The following SDHC variants were observed in gnomAD, a reference collection of about 807,000 sequenced individuals.
SDHC encodes the protein succinate dehydrogenase cytochrome b560 subunit, mitochondrial.
In SDHC, 11 loss-of-function variants were observed where a neutral mutation model predicts 22.6. The observed-to-expected ratio is 0.49, with a 90% CI of 0.31 to 0.81. The LOEUF is 0.81. Among genes scored for constraint, SDHC ranks in the 30% least tolerant of loss-of-function variants. SDHC has a pLI of 0.05. For missense variants in SDHC, 160 were observed against 212.0 expected, an observed-to-expected ratio of 0.75 and a Z score of 1.52; for synonymous variants, 80 against 77.8, an observed-to-expected ratio of 1.03 and a Z score of -0.15.
At chr1:161,332,564 A>T (rs72714978) in intron 3 of SDHC, among the ~76,000 whole-genome samples, 1 of 151,974 alleles carries the variant, frequency 6.6e-6, no homozygotes, top group Admixed American at 6.6e-5. Context: ...GAAAGCATAC[A>T]GTTTAGTGGC....
chr1:161,356,753 G>A lies in SDHC; in HGVS notation c.318G>A (p.Leu106=), dbSNP rs1166833684. Residue 106 remains leucine, a synonymous_variant, in exon 5 of 6, where the codon CTG becomes CTA. Transcript: ENST00000367975. ...CTTATTTGGAACTTGTGAAGTCCCT[G>A]TGTCTGGGGCCAGCACTGATCCACA... is the stretch of plus-strand genomic sequence containing the variant. ...FESYLELVKS[L]CLGPALIHTA... 6.2e-7 allele frequency: 1 copy of A among 1,613,900 alleles called. No individual in the cohort carries two copies. Among genetic ancestry groups the A allele is most frequent in the Non-Finnish European group, 8.5e-7 (1 of 1,179,944 alleles).
rs199581931 is a variant in SDHC at position 161,323,698 on chromosome 1, A to T, written c.77+28A>T. 7.8e-3 allele frequency: 11,868 copies of T among 1,525,496 alleles called. 265 individuals carry two copies. Among genetic ancestry groups the T allele is most frequent in the South Asian group, 0.049 (4,118 of 84,528 alleles). 94.5% of individuals were successfully genotyped at this position (1,525,496 alleles called of 1,614,324 possible). On this transcript the variant is annotated intron_variant, in intron 2 of 5. Coordinates refer to ENST00000367975, the MANE Select transcript of SDHC (RefSeq NM_003001.5). ...AAGTTTCTAAGTCTGGAGATTATTT[A>T]TTTATTTTTTTTTTTGAGACGGAGT...
chr1:161,352,419 T>TA (rs963025303), intron 4 of SDHC, among the ~76,000 whole-genome samples: 11 of 151,684 alleles, frequency 7.3e-5, no homozygotes, highest in Non-Finnish European at 1.2e-4. Flanking sequence ...GAGATTTGTA[T>TA]AAAAAAAAAT....
At chr1:161,349,979 C>T (rs1013790147) in intron 4 of SDHC, among the ~76,000 whole-genome samples, 4 of 152,208 alleles carry the variant, frequency 2.6e-5, no homozygotes, top group South Asian at 2.1e-4. Context: ...GACATAATCT[C>T]GGCTCACTGC....
chr1:161,334,676 C>A (rs1453341675), intron 3 of SDHC, among the ~76,000 whole-genome samples: 1 of 152,114 alleles, frequency 6.6e-6, no homozygotes, highest in Non-Finnish European at 1.5e-5. Context: ...TGGGCTCAAG[C>A]TGTCCTCCCA....
chr1:161,322,383 A>C (rs1177646779), intron 1 of SDHC, among the ~76,000 whole-genome samples: 1 of 152,170 alleles, frequency 6.6e-6, no homozygotes, highest in Non-Finnish European at 1.5e-5. Context: ...GGGGTCAGTA[A>C]AAATTTTTTT....
chr1:161,336,021 C>T (rs1216043954), intron 3 of SDHC, among the ~76,000 whole-genome samples: 5 of 152,080 alleles, frequency 3.3e-5, no homozygotes, highest in African/African-American at 7.2e-5. Flanking sequence ...TCCACAAATA[C>T]CATAACCCTT....
At chr1:161,330,881 C>T (rs533438397) in intron 3 of SDHC, among the ~76,000 whole-genome samples, 1 of 151,784 alleles carries the variant, frequency 6.6e-6, no homozygotes, top group African/African-American at 2.4e-5. Flanking sequence ...GCCTGTAGTC[C>T]CAGCTACTTG....
At chr1:161,324,062 AC>A (rs1670956502) in intron 2 of SDHC, among the ~76,000 whole-genome samples, 1 of 152,140 alleles carries the variant, frequency 6.6e-6, no homozygotes, top group Admixed American at 6.5e-5. Context: ...ATGGATATGT[AC>A]GACAGTGGGC....
At chr1:161,334,059 C>T (rs1422331511) in intron 3 of SDHC, among the ~76,000 whole-genome samples, 1 of 152,174 alleles carries the variant, frequency 6.6e-6, no homozygotes, top group Non-Finnish European at 1.5e-5. Flanking sequence ...CCTTATAGTT[C>T]TGTGGGTCAG....
chr1:161,332,524 A>G (rs1024458510), intron 3 of SDHC, among the ~76,000 whole-genome samples: 2 of 152,188 alleles, frequency 1.3e-5, no homozygotes, highest in Admixed American at 6.5e-5. Context: ...TTTTTGAAAT[A>G]CAATTTGTAT....
Position 161,363,187 on chromosome 1 carries a change from A to G in SDHC, c.*754A>G. 4.3e-6 allele frequency: 1 copy of G among 233,684 alleles called. No homozygotes were observed. 14.5% of individuals were successfully genotyped at this position (233,684 alleles called of 1,614,324 possible). A position where few individuals can be genotyped will look rare whatever the true frequency, so the allele number is the denominator to read the frequency against. On this transcript the variant is annotated 3_prime_UTR_variant, in exon 6 of 6. Coordinates refer to ENST00000367975, the MANE Select transcript of SDHC (RefSeq NM_003001.5). The stretch of plus-strand genomic sequence containing the variant: ...TGAAACTGAATTAAATACTCATTTT[A>G]TCTTTGACTCTCCTTGAAATCTAGA...
intron 3 of SDHC, chr1:161,339,666 T>TTTTTTTTTTTTTTTTTTTG (rs1671643010): frequency 5.1e-6 from 1 of 197,686 alleles, no homozygotes; most frequent in East Asian, 1.9e-4. Context: ...ACAGGTGTTT[T>TTTTTTTTTTTTTTTTTTTG]TTTTTTTTTT....
intron 4 of SDHC, among the ~76,000 whole-genome samples, chr1:161,354,588 A>G (rs759358352): frequency 6.8e-6 from 1 of 146,514 alleles, no homozygotes; most frequent in African/African-American, 2.5e-5. Context: ...TTTGGTGATT[A>G]TGGGAAACAA....
chr1:161,317,022 CTTT>C (rs762717898), intron 1 of SDHC, among the ~76,000 whole-genome samples: 2 of 120,718 alleles, frequency 1.7e-5, no homozygotes, highest in Non-Finnish European at 1.7e-5. Flanking sequence ...GGTTCTTTTT[CTTT>C]TTTTTTTTTT....
At chr1:161,341,320 G>A (rs1267769469) in intron 4 of SDHC, among the ~76,000 whole-genome samples, 4 of 152,110 alleles carry the variant, frequency 2.6e-5, no homozygotes, top group Non-Finnish European at 5.9e-5. Context: ...TTATCACCTA[G>A]ACATGCTCAG....
chr1:161,340,744 T>C, intron 4 of SDHC, 89 bp downstream of exon 4: 2 of 950,342 alleles, frequency 2.1e-6, no homozygotes, highest in South Asian at 2.6e-5. Context: ...CCTTTGAAAC[T>C]CAGCACTTGA....
chr1:161,320,099 G>C (rs1285602590), intron 1 of SDHC, among the ~76,000 whole-genome samples: 1 of 152,152 alleles, frequency 6.6e-6, no homozygotes, highest in African/African-American at 2.4e-5. Flanking sequence ...ATTGGTGCGA[G>C]GGAGATCAGT....
rs2102388464 is a variant in SDHC, at chr1:161,363,115, C to T, written c.*682C>T. 4.3e-6 allele frequency: 1 copy of T among 234,736 alleles called. No homozygotes were observed. Among genetic ancestry groups the T allele is most frequent in the African/African-American group, 2.2e-5 (1 of 45,396 alleles). 14.5% of individuals were successfully genotyped at this position (234,736 alleles called of 1,614,324 possible). ...TCTTTTTCTTGGATTTCCAGAAAAG[C>T]CTCTTAATTTTATGCTTTCTCATCG... On this transcript the variant is annotated 3_prime_UTR_variant, in exon 6 of 6. Transcript: ENST00000367975.
Sources: gnomAD v4.1 joint callset for allele counts (sites outside exome capture counted in the v4.1 genomes callset) on GRCh38, gnomAD v4.1.1 for gene constraint, MANE v1.5 for transcripts, NCBI Gene and HGNC (gene_info 2026-07-23, HGNC 2026-07-21) for gene names.